QTMAN: variants seen among roughly 807,000 people sequenced by gnomAD.
The protein encoded by QTMAN is queuosine-tRNA mannosyltransferase, also known as tRNA-queuosine alpha-mannosyltransferase.
At chr2:144,152,039 G>A in the QTMAN span, among the ~76,000 whole-genome samples, 1 of 152,162 alleles carries the variant, frequency 6.6e-6, no homozygotes, top group Non-Finnish European at 1.5e-5. Context: ...GGTTCTTGTG[G>A]TGGTAATTTA....
chr2:143,977,214 A>G, the QTMAN span, among the ~76,000 whole-genome samples: 1 of 152,208 alleles, frequency 6.6e-6, no homozygotes, highest in African/African-American at 2.4e-5. Context: ...GCTTCAGGAA[A>G]GACATGGGCT....
chr2:144,263,839 C>A, the QTMAN span, among the ~76,000 whole-genome samples: 1 of 151,764 alleles, frequency 6.6e-6, no homozygotes, highest in Non-Finnish European at 1.5e-5. Context: ...CTATAAGAGG[C>A]AAAAAGAGTA....
At chr2:144,281,395 C>CA in the QTMAN span, among the ~76,000 whole-genome samples, 7,053 of 60,560 alleles carry the variant, frequency 0.12, 437 homozygotes, top group South Asian at 0.17. Flanking sequence ...ATTGTTATAG[C>CA]AAAAAAAAAA....
chr2:144,176,544 T>C, the QTMAN span, among the ~76,000 whole-genome samples: 4 of 152,230 alleles, frequency 2.6e-5, no homozygotes, highest in African/African-American at 7.2e-5. Context: ...GAAAGAAATA[T>C]GTAAAATTAT....
the QTMAN span, among the ~76,000 whole-genome samples, chr2:144,157,162 G>A: frequency 6.6e-6 from 1 of 152,054 alleles, no homozygotes; most frequent in Admixed American, 6.6e-5. Context: ...TTTATTTACA[G>A]TGTTTGTTTA....
At chr2:144,094,160 G>A in the QTMAN span, among the ~76,000 whole-genome samples, 6 of 152,126 alleles carry the variant, frequency 3.9e-5, no homozygotes, top group African/African-American at 1.4e-4. Flanking sequence ...ATGTGATTTT[G>A]GTTTAGTTTT....
chr2:144,066,903 G>A, the QTMAN span, among the ~76,000 whole-genome samples: 1 of 152,136 alleles, frequency 6.6e-6, no homozygotes, highest in African/African-American at 2.4e-5. Flanking sequence ...TTTCTACCAT[G>A]GTCTTCTCTA....
chr2:144,085,850 G>A, the QTMAN span, among the ~76,000 whole-genome samples: 1 of 152,076 alleles, frequency 6.6e-6, no homozygotes, highest in South Asian at 2.1e-4. Flanking sequence ...CAAAACTGAA[G>A]GAAAACAACT....
the QTMAN span, chr2:143,946,244 A>T: frequency 6.6e-6 from 1 of 152,216 alleles, no homozygotes; most frequent in Non-Finnish European, 1.5e-5. Flanking sequence ...GAAAAAAATT[A>T]AAACAAGTAT....
chr2:144,218,653 G>T, the QTMAN span, among the ~76,000 whole-genome samples: 1 of 152,154 alleles, frequency 6.6e-6, no homozygotes, highest in East Asian at 1.9e-4. Context: ...TTATTGAGAA[G>T]TTTCCCTCCC....
At chr2:144,080,036 C>T in the QTMAN span, among the ~76,000 whole-genome samples, 10 of 152,206 alleles carry the variant, frequency 6.6e-5, no homozygotes, top group South Asian at 1.2e-3. Flanking sequence ...GTCATTCTTA[C>T]ATTCCTGCAA....
At chr2:144,012,183 T>G in the QTMAN span, among the ~76,000 whole-genome samples, 2 of 152,002 alleles carry the variant, frequency 1.3e-5, no homozygotes, top group Admixed American at 1.3e-4. Context: ...TGTCCGCCAG[T>G]ATGGTTCCAG....
chr2:144,125,366 C>T, the QTMAN span, among the ~76,000 whole-genome samples: 1 of 152,048 alleles, frequency 6.6e-6, no homozygotes, highest in African/African-American at 2.4e-5. Flanking sequence ...CAGAGCTTCT[C>T]TTCTAAGACT....
the QTMAN span, among the ~76,000 whole-genome samples, chr2:144,036,550 T>G: frequency 6.6e-6 from 1 of 152,084 alleles, no homozygotes; most frequent in East Asian, 1.9e-4. Flanking sequence ...CCTTACTATC[T>G]GTGTGTCTGT....
chr2:144,060,392 C>T, the QTMAN span, among the ~76,000 whole-genome samples: 1 of 152,138 alleles, frequency 6.6e-6, no homozygotes, highest in Non-Finnish European at 1.5e-5. Context: ...TCCTGAGTAG[C>T]TGGGATTATA....
chr2:144,042,011 T>A, the QTMAN span, among the ~76,000 whole-genome samples: 1 of 152,188 alleles, frequency 6.6e-6, no homozygotes, highest in East Asian at 1.9e-4. Context: ...GTCATGAAGG[T>A]CCCACAGGCC....
At chr2:144,054,632 G>A in the QTMAN span, among the ~76,000 whole-genome samples, 1 of 152,200 alleles carries the variant, frequency 6.6e-6, no homozygotes, top group Non-Finnish European at 1.5e-5. Context: ...CATGAAGGAT[G>A]ATGAACCCCT....
At chr2:144,133,264 T>A in the QTMAN span, among the ~76,000 whole-genome samples, 3 of 70,646 alleles carry the variant, frequency 4.2e-5, no homozygotes, top group Non-Finnish European at 7.5e-5. Flanking sequence ...TAAATATATA[T>A]AAATATATAT....
chr2:144,222,630 T>C, the QTMAN span, among the ~76,000 whole-genome samples: 391 of 151,054 alleles, frequency 2.6e-3, 1 homozygote, highest in African/African-American at 8.6e-3. Flanking sequence ...CACGGTGAAA[T>C]CCCGTCCCTA....
Sources: gnomAD v4.1 joint callset for allele counts (sites outside exome capture counted in the v4.1 genomes callset) on GRCh38, gnomAD v4.1.1 for gene constraint, MANE v1.5 for transcripts, NCBI Gene and HGNC (gene_info 2026-07-23, HGNC 2026-07-21) for gene names.